ADK: variants seen among roughly 807,000 people sequenced by gnomAD.
ADK encodes the protein adenosine kinase, also known as N6,N6-dimethyladenosine kinase.
ADK carries 24 observed loss-of-function variants against 44.7 expected under a neutral mutation model. The observed-to-expected ratio is 0.54, with a 90% confidence interval of 0.39 to 0.76. ADK has a LOEUF of 0.76. Ranked by LOEUF, ADK falls within the 30% of genes least tolerant of loss-of-function variation. The probability of loss-of-function intolerance (pLI) is 0.00; values close to 1 mark genes in which losing one functional copy is unlikely to be tolerated. For missense variants in ADK, 321 were observed against 425.1 expected, an observed-to-expected ratio of 0.76 and a Z score of 2.15; for synonymous variants, 128 against 142.6, an observed-to-expected ratio of 0.90 and a Z score of 0.73.
chr10:74,315,170 A>C (rs1840573365), intron 4 of ADK, among the ~76,000 whole-genome samples: 1 of 152,110 alleles, frequency 6.6e-6, no homozygotes, highest in African/African-American at 2.4e-5. Flanking sequence ...TAACGTAATT[A>C]AACTTTATGG....
At chr10:74,310,009 CATAA>C (rs540873806) in intron 3 of ADK, among the ~76,000 whole-genome samples, 9 of 151,954 alleles carry the variant, frequency 5.9e-5, no homozygotes, top group Admixed American at 3.9e-4. Context: ...AATAATGTAA[CATAA>C]ATAATTATAA....
chr10:74,248,337 G>C (rs1845510073), intron 3 of ADK, among the ~76,000 whole-genome samples: 1 of 152,056 alleles, frequency 6.6e-6, no homozygotes, highest in Non-Finnish European at 1.5e-5. Flanking sequence ...GTAGATGGAG[G>C]GTTAATTGGG....
chr10:74,204,172 G>C (rs1275707209), intron 2 of ADK, among the ~76,000 whole-genome samples: 1 of 152,052 alleles, frequency 6.6e-6, no homozygotes, highest in Non-Finnish European at 1.5e-5. Flanking sequence ...GGTCAGGCTT[G>C]TCTCAAACTC....
intron 2 of ADK, among the ~76,000 whole-genome samples, chr10:74,222,711 G>A (rs545180696): frequency 6.6e-6 from 1 of 152,162 alleles, no homozygotes; most frequent in African/African-American, 2.4e-5. Flanking sequence ...GTCCTTTTTA[G>A]GGACATGGAT....
intron 7 of ADK, among the ~76,000 whole-genome samples, chr10:74,536,595 C>T (rs529845956): frequency 6.7e-6 from 1 of 149,984 alleles, no homozygotes; most frequent in East Asian, 1.9e-4. Flanking sequence ...TATTCCTCTC[C>T]AGAACTTTTT....
intron 1 of ADK, among the ~76,000 whole-genome samples, chr10:74,165,943 A>G (rs1157236390): frequency 6.6e-6 from 1 of 151,972 alleles, no homozygotes; most frequent in African/African-American, 2.4e-5. Flanking sequence ...AGTAGATTAT[A>G]TTTTCTTTTT....
At chr10:74,265,107 A>G (rs916198735) in intron 3 of ADK, among the ~76,000 whole-genome samples, 3 of 152,090 alleles carry the variant, frequency 2.0e-5, no homozygotes, top group Non-Finnish European at 2.9e-5. Context: ...CACCTGGCCA[A>G]ATTTTCTTAA....
chr10:74,345,543 A>G (rs1202988755), intron 4 of ADK, among the ~76,000 whole-genome samples: 1 of 152,164 alleles, frequency 6.6e-6, no homozygotes, highest in Non-Finnish European at 1.5e-5. Context: ...CCTGGCTCAA[A>G]GTGAAACCCC....
chr10:74,461,773 G>A (rs1014997955), intron 6 of ADK, among the ~76,000 whole-genome samples: 1 of 151,980 alleles, frequency 6.6e-6, no homozygotes, highest in Non-Finnish European at 1.5e-5. Context: ...TTTTGTAATA[G>A]TGCTCCCCAA....
intron 6 of ADK, among the ~76,000 whole-genome samples, chr10:74,403,917 G>A (rs1843808625): frequency 6.6e-6 from 1 of 152,082 alleles, no homozygotes; most frequent in Non-Finnish European, 1.5e-5. Context: ...TGTCATCCAG[G>A]CTGGAGTGCA....
chr10:74,489,511 G>A (rs1847395367), intron 6 of ADK, among the ~76,000 whole-genome samples: 2 of 151,876 alleles, frequency 1.3e-5, no homozygotes, highest in Non-Finnish European at 2.9e-5. Context: ...GTGAAAAAAA[G>A]TCTTTGAAAT....
chr10:74,687,265 T>A (rs961587233), intron 10 of ADK, among the ~76,000 whole-genome samples: 5 of 152,240 alleles, frequency 3.3e-5, no homozygotes, highest in Admixed American at 3.3e-4. Flanking sequence ...TCACTCCAGT[T>A]CTTCACTAAT....
At chr10:74,232,876 G>T (rs962249935) in intron 3 of ADK, among the ~76,000 whole-genome samples, 1 of 152,128 alleles carries the variant, frequency 6.6e-6, no homozygotes, top group African/African-American at 2.4e-5. Flanking sequence ...CACCCGCCTT[G>T]CCCTCCCAAA....
intron 6 of ADK, among the ~76,000 whole-genome samples, chr10:74,494,880 G>A (rs1847627155): frequency 6.6e-6 from 1 of 152,024 alleles, no homozygotes; most frequent in African/African-American, 2.4e-5. Context: ...AAAAATACAA[G>A]GGAGATAAAT....
chr10:74,274,485 C>T (rs1004192757), intron 3 of ADK, among the ~76,000 whole-genome samples: 1 of 135,026 alleles, frequency 7.4e-6, no homozygotes, highest in Non-Finnish European at 1.6e-5. Context: ...TCGCTTGAAC[C>T]TGGGAGGCAG....
chr10:74,311,136 TC>T (rs1357920094), intron 3 of ADK, among the ~76,000 whole-genome samples: 1 of 152,220 alleles, frequency 6.6e-6, no homozygotes, highest in Non-Finnish European at 1.5e-5. Flanking sequence ...GTTGTATTCT[TC>T]CAGGTTCTTT....
chr10:74,414,322 A>G (rs897852721), intron 6 of ADK, among the ~76,000 whole-genome samples: 5 of 152,202 alleles, frequency 3.3e-5, no homozygotes, highest in Non-Finnish European at 5.9e-5. Context: ...TTCAGTTTCT[A>G]ATGTTTTTCA....
At chr10:74,254,151 T>C (rs1845742828) in intron 3 of ADK, among the ~76,000 whole-genome samples, 1 of 152,198 alleles carries the variant, frequency 6.6e-6, no homozygotes, top group Non-Finnish European at 1.5e-5. Flanking sequence ...GCAAAATTGT[T>C]ATATGAAGAG....
chr10:74,194,594 G>T (rs1843057233), intron 1 of ADK, among the ~76,000 whole-genome samples: 1 of 152,180 alleles, frequency 6.6e-6, no homozygotes, highest in South Asian at 2.1e-4. Context: ...AAAATAATAT[G>T]ATTTTGGTGA....
Sources: gnomAD v4.1 joint callset for allele counts (sites outside exome capture counted in the v4.1 genomes callset) on GRCh38, gnomAD v4.1.1 for gene constraint, MANE v1.5 for transcripts, NCBI Gene and HGNC (gene_info 2026-07-23, HGNC 2026-07-21) for gene names.